CACUL1: variants seen among roughly 807,000 people sequenced by gnomAD.
CACUL1 encodes CDK2 associated cullin domain 1, also known as CDK2-associated and cullin domain-containing protein 1.
A neutral mutation model predicts 45.2 loss-of-function variants in CACUL1; 13 were observed. That is an observed-to-expected ratio of 0.29 (90% CI 0.19 to 0.46). CACUL1 has a LOEUF of 0.46. Ranked by LOEUF, CACUL1 falls within the 20% of genes least tolerant of loss-of-function variation. The pLI, the probability that CACUL1 is intolerant of heterozygous loss-of-function variation, is 1.00. For synonymous variants in CACUL1, 197 were observed against 174.2 expected (o/e 1.13, Z -1.03); for missense variants, 421 against 471.4 (o/e 0.89, Z 0.99).
chr10:118,752,455 T>C (rs1352865873), intron 1 of CACUL1, among the ~76,000 whole-genome samples: 1 of 152,226 alleles, frequency 6.6e-6, no homozygotes, highest in East Asian at 1.9e-4. Context: ...ATTAGATAAG[T>C]AGATGTTAAA....
chr10:118,746,065 T>C (rs920641960), intron 1 of CACUL1, among the ~76,000 whole-genome samples: 2 of 147,628 alleles, frequency 1.4e-5, no homozygotes, highest in African/African-American at 5.0e-5. Context: ...GGCAGGAGAA[T>C]GGCGTGAACC....
intron 3 of CACUL1, among the ~76,000 whole-genome samples, chr10:118,716,991 T>C (rs1306335331): frequency 6.6e-6 from 1 of 152,224 alleles, no homozygotes; most frequent in Non-Finnish European, 1.5e-5. Context: ...CATACGCCAG[T>C]GGACCTCAAA....
chr10:118,743,653 C>T (rs28688532), intron 1 of CACUL1, among the ~76,000 whole-genome samples: 3,837 of 152,012 alleles, frequency 0.025, 153 homozygotes, highest in African/African-American at 0.087. Context: ...CACTTGAACC[C>T]GGGAGGTGGA....
At chr10:118,697,265 G>A (rs550840447) in intron 5 of CACUL1, among the ~76,000 whole-genome samples, 3 of 152,218 alleles carry the variant, frequency 2.0e-5, no homozygotes, top group Non-Finnish European at 4.4e-5. Context: ...AGGAAACTGA[G>A]GCCAAAATAA....
rs374023478 is a variant in CACUL1, at chr10:118,730,163, TAAAAC to T, written c.494+116_494+120del. On this transcript the variant is annotated intron_variant, in intron 2 of 8. Transcript: ENST00000369151. Reference sequence around the variant, plus strand: ...CTCCAATCCGTAAGTGTGGAATACATAAAACACTTACAGAGCCTCATCTTATGCAT... The same window carrying T: ...CTCCAATCCGTAAGTGTGGAATACATACTTACAGAGCCTCATCTTATGCAT... 526 of 1,113,620 alleles carry T rather than the reference TAAAAC, an allele frequency of 4.7e-4. 2 individuals are homozygous for T. The African/African-American group carries it at 7.6e-3, about 16-fold the overall frequency. The allele number at this position is 1,113,620 out of a possible 1,614,324, so 69.0% of individuals were successfully genotyped here. A position where few individuals can be genotyped will look rare whatever the true frequency, so the allele number is the denominator to read the frequency against.
chr10:118,694,185 C>T (rs564072344), intron 6 of CACUL1, among the ~76,000 whole-genome samples: 1 of 152,192 alleles, frequency 6.6e-6, no homozygotes, highest in South Asian at 2.1e-4. Flanking sequence ...TTTCTAAAAT[C>T]AGTCTACCAG....
At chr10:118,688,339 T>C (rs1232705436) in intron 7 of CACUL1, among the ~76,000 whole-genome samples, 2 of 152,224 alleles carry the variant, frequency 1.3e-5, no homozygotes, top group Non-Finnish European at 2.9e-5. Flanking sequence ...ATCATCACAG[T>C]TGCATTCACC....
chr10:118,746,150 T>TAA (rs1845841277), intron 1 of CACUL1, among the ~76,000 whole-genome samples: 1 of 99,878 alleles, frequency 1.0e-5, no homozygotes, highest in Non-Finnish European at 2.0e-5. Flanking sequence ...AGACACTGTC[T>TAA]CAAAAAAAAA....
chr10:118,754,330 G>T, intron 1 of CACUL1, 66 bp downstream of exon 1: 2 of 1,435,694 alleles, frequency 1.4e-6, no homozygotes, highest in Non-Finnish European at 1.8e-6. Context: ...TTCTCCAAGA[G>T]GGGGTGGATT....
chr10:118,703,403 TA>T (rs946872318), intron 4 of CACUL1, among the ~76,000 whole-genome samples: 4 of 152,152 alleles, frequency 2.6e-5, no homozygotes, highest in Admixed American at 1.3e-4. Flanking sequence ...GATTTTTCTC[TA>T]AAAAAACAGA....
chr10:118,723,925 C>A (rs1845626059), intron 3 of CACUL1, among the ~76,000 whole-genome samples: 1 of 152,046 alleles, frequency 6.6e-6, no homozygotes, highest in Non-Finnish European at 1.5e-5. Flanking sequence ...CCACCACACC[C>A]AGGTAATTTT....
intron 4 of CACUL1, among the ~76,000 whole-genome samples, chr10:118,703,302 C>CT (rs1016732082): frequency 2.0e-4 from 30 of 151,524 alleles, no homozygotes; most frequent in Non-Finnish European, 3.5e-4. Context: ...CATGGATATG[C>CT]TTTTTTCCCC....
chr10:118,740,783 G>A lies in CACUL1; in HGVS notation c.368-10373C>T, dbSNP rs1282817495. Among the ~76,000 whole-genome samples, 25 of 151,760 alleles carry A rather than the reference G, an allele frequency of 1.6e-4. No homozygotes were observed. The East Asian group carries it at 1.9e-3, about 12-fold the overall frequency. ...CTACTAAAAATACAAAAAATTAGCC[G>A]GGCGTGGTGGCAGGCGCCTGTAGTC... is the stretch of plus-strand genomic sequence containing the variant. On this transcript the variant is annotated intron_variant, in intron 1 of 8. Transcript: ENST00000369151.
intron 3 of CACUL1, among the ~76,000 whole-genome samples, chr10:118,709,915 TG>T (rs1845468483): frequency 6.6e-6 from 1 of 152,068 alleles, no homozygotes; most frequent in African/African-American, 2.4e-5. Flanking sequence ...TATTTTTTTT[TG>T]TACATTTTGA....
Position 118,731,788 on chromosome 10 carries a change from C to T in CACUL1, c.368-1378G>A, listed in dbSNP as rs1000595926. On this transcript the variant is annotated intron_variant, in intron 1 of 8. Transcript: ENST00000369151. ...CTATGGTGGGGGATACACCACTTCA[C>T]GCATTTGTCAAGACCAAAAGAACTG... 2.6e-5 allele frequency among the ~76,000 whole-genome samples: 4 copies of T among 152,054 alleles called. No individual in the cohort carries two copies. In the East Asian group the frequency reaches 5.8e-4, roughly 22 times the overall value.
At chr10:118,748,548 A>G (rs975834736) in intron 1 of CACUL1, among the ~76,000 whole-genome samples, 1 of 152,234 alleles carries the variant, frequency 6.6e-6, no homozygotes, top group African/African-American at 2.4e-5. Flanking sequence ...AGCACCCAGT[A>G]ATACAAGTTG....
intron 8 of CACUL1, 140 bp from the exon 9 acceptor site, chr10:118,686,308 T>C: frequency 1.3e-6 from 1 of 740,964 alleles, no homozygotes; most frequent in Non-Finnish European, 2.3e-6. Context: ...CAAAACCATG[T>C]GGGGTGGAGG....
intron 4 of CACUL1, among the ~76,000 whole-genome samples, chr10:118,703,763 A>G (rs1845407193): frequency 6.6e-6 from 1 of 152,204 alleles, no homozygotes; most frequent in Non-Finnish European, 1.5e-5. Context: ...TAACTAAAGT[A>G]AGTTAGCGGA....
chr10:118,735,071 C>G (rs1382350172), intron 1 of CACUL1, among the ~76,000 whole-genome samples: 2 of 152,150 alleles, frequency 1.3e-5, no homozygotes, highest in Non-Finnish European at 2.9e-5. Context: ...TGCTAGAGCC[C>G]CAACTCTAAA....
Sources: allele counts gnomAD v4.1 joint callset (sites outside exome capture counted in the v4.1 genomes callset), GRCh38; gene constraint gnomAD v4.1.1; transcripts MANE v1.5; gene names NCBI Gene and HGNC (gene_info 2026-07-23, HGNC 2026-07-21).